The following TEX10 variants were observed in gnomAD, a reference collection of about 807,000 sequenced individuals.
TEX10 encodes testis-expressed protein 10.
Under a neutral mutation model 104.4 loss-of-function variants are expected in TEX10, and 24 were observed. That is an observed-to-expected ratio of 0.23 (90% confidence interval 0.17 to 0.32). The LOEUF (loss-of-function observed/expected upper bound fraction) is 0.32. TEX10 is among the 10% of genes least tolerant of loss of function. TEX10 has a pLI of 1.00. For missense variants in TEX10, 921 were observed against 1,083.9 expected (o/e 0.85, Z 2.11); for synonymous variants, 396 against 393.4 (o/e 1.01, Z -0.08).
Position 100,327,790 on chromosome 9 carries a change from A to T in TEX10, c.1798T>A (p.Tyr600Asn). The T allele has an allele frequency of 6.4e-7, 1 of 1,562,628 alleles. No individual in the cohort carries two copies. Among genetic ancestry groups the T allele is most frequent in the Non-Finnish European group, 8.7e-7 (1 of 1,146,936 alleles). The change falls in exon 8 of 15, where the codon TAT becomes AAT. Residue 600 changes from tyrosine (Y) to asparagine (N), a missense_variant. Tyr to Asn is a moderately radical substitution (Grantham distance 143). Transcript: ENST00000374902. ...CATTAAACAAATGAACTCTTACCAT[A>T]AATTCGGAGGGCAGTAGCTTGTAAA... Reference protein sequence around the residue: ...KSLQATALRIYDPQEGAVVVL... With the variant: ...KSLQATALRINDPQEGAVVVL...
chr9:100,352,792 G>T lies in TEX10; in HGVS notation c.-30C>A, dbSNP rs552029906. On this transcript the variant is annotated 5_prime_UTR_variant, in exon 1 of 15. Coordinates refer to ENST00000374902, the MANE Select transcript of TEX10 (RefSeq NM_017746.4). ...CTTACCTGAGGACCCGGCCGCGGCC[G>T]GGGCGAGAAGCCCGAGAAGACAAGC... is the stretch of plus-strand genomic sequence containing the variant. 3 of 1,072,040 alleles carry T rather than the reference G, an allele frequency of 2.8e-6. No homozygotes were observed. In the African/African-American group the frequency reaches 5.0e-5, roughly 18 times the overall value. 66.4% of individuals were successfully genotyped at this position (1,072,040 alleles called of 1,614,324 possible). A position where few individuals can be genotyped will look rare whatever the true frequency, so the allele number is the denominator to read the frequency against.
At chr9:100,328,426 T>C (rs542617173) in intron 7 of TEX10, among the ~76,000 whole-genome samples, 3 of 152,352 alleles carry the variant, frequency 2.0e-5, no homozygotes, top group Middle Eastern at 3.4e-3. Flanking sequence ...GCTGTCAAGA[T>C]AGACCTGAAC....
At chr9:100,332,047 T>C (rs1192107225) in intron 5 of TEX10, among the ~76,000 whole-genome samples, 3 of 152,214 alleles carry the variant, frequency 2.0e-5, no homozygotes, top group Non-Finnish European at 2.9e-5. Context: ...ACGTTGGATA[T>C]GTTGAGCCTA....
At chr9:100,333,434 G>T (rs1834922027) in intron 5 of TEX10, among the ~76,000 whole-genome samples, 1 of 152,084 alleles carries the variant, frequency 6.6e-6, no homozygotes, top group Non-Finnish European at 1.5e-5. Flanking sequence ...TTTCTAGCAA[G>T]CTATTTTGTA....
chr9:100,327,917 C>A lies in TEX10; in HGVS notation c.1671G>T (p.Leu557Phe). The change falls in exon 8 of 15, where the codon TTG becomes TTT. Residue 557 changes from leucine (L) to phenylalanine (F), a missense_variant. This residue lies in a region of TEX10 where 753 missense variants were observed against 868.4 expected (regional missense o/e 0.87). Coordinates refer to ENST00000374902, the MANE Select transcript of TEX10 (RefSeq NM_017746.4). Reference sequence around the variant, plus strand: ...TTCGGGAGCCAAGATGAGCAAGTTGCAATGGTAAGCCAGCCAGCCAACGGG... The same window carrying A: ...TTCGGGAGCCAAGATGAGCAAGTTGAAATGGTAAGCCAGCCAGCCAACGGG... The part of the protein sequence containing the change: ...VLSRWLAGLP[L>F]QLAHLGSRNP... 2 of 1,595,090 alleles carry A rather than the reference C, an allele frequency of 1.3e-6. No individual in the cohort carries two copies. Among genetic ancestry groups the A allele is most frequent in the Non-Finnish European group, 1.7e-6 (2 of 1,167,564 alleles).
intron 4 of TEX10, among the ~76,000 whole-genome samples, chr9:100,344,073 T>A (rs779903438): frequency 9.2e-5 from 14 of 152,170 alleles, no homozygotes; most frequent in African/African-American, 1.4e-4. Flanking sequence ...TTTTAAAAAA[T>A]AAATAAATAA....
intron 12 of TEX10, among the ~76,000 whole-genome samples, chr9:100,309,522 A>G (rs1834221553): frequency 6.6e-6 from 1 of 152,042 alleles, no homozygotes; most frequent in Admixed American, 6.6e-5. Context: ...GGAGGTAGGG[A>G]AAAAAAAGTG....
chr9:100,335,851 A>G (rs1834992783), intron 5 of TEX10, among the ~76,000 whole-genome samples: 1 of 152,124 alleles, frequency 6.6e-6, no homozygotes, highest in African/African-American at 2.4e-5. Flanking sequence ...ATTTTACCCC[A>G]ATAAAAATAA....
intron 4 of TEX10, 82 bp downstream of exon 4, chr9:100,345,990 T>G: frequency 6.9e-7 from 1 of 1,449,930 alleles, no homozygotes; most frequent in Non-Finnish European, 9.3e-7. Context: ...AACCAATTAG[T>G]AGTAATGAGC....
chr9:100,336,683 A>G (rs1051285669), intron 5 of TEX10, among the ~76,000 whole-genome samples: 10 of 152,180 alleles, frequency 6.6e-5, no homozygotes, highest in Non-Finnish European at 2.9e-5. Flanking sequence ...CACTTGAATC[A>G]TCCCAAAAAC....
chr9:100,321,933 G>A (rs901461243), intron 9 of TEX10, among the ~76,000 whole-genome samples, 162 bp from the exon 10 acceptor site: 2 of 151,968 alleles, frequency 1.3e-5, no homozygotes, highest in Non-Finnish European at 2.9e-5. Flanking sequence ...ATATCCAAGG[G>A]CTCAAGTACC....
At chr9:100,350,279 C>T (rs1042104346) in intron 1 of TEX10, among the ~76,000 whole-genome samples, 7 of 152,178 alleles carry the variant, frequency 4.6e-5, no homozygotes, top group African/African-American at 1.7e-4. Flanking sequence ...CCCACTGGTA[C>T]TCCTGCCTAC....
intron 12 of TEX10, 71 bp from the exon 13 acceptor site, chr9:100,308,752 G>T: frequency 7.6e-7 from 1 of 1,321,432 alleles, no homozygotes; most frequent in Non-Finnish European, 1.0e-6. Flanking sequence ...ACCAAAACCT[G>T]TTAATTCACG....
chr9:100,319,862 CTT>C (rs1834521725), intron 11 of TEX10, among the ~76,000 whole-genome samples: 1 of 152,004 alleles, frequency 6.6e-6, no homozygotes, highest in African/African-American at 2.4e-5. Flanking sequence ...AACTTCAAAA[CTT>C]AAAGAATTTG....
At chr9:100,309,207 T>C (rs1834212292) in intron 12 of TEX10, among the ~76,000 whole-genome samples, 1 of 152,184 alleles carries the variant, frequency 6.6e-6, no homozygotes, top group Admixed American at 6.5e-5. Flanking sequence ...TAAAAGATAT[T>C]ACTATAGTTA....
chr9:100,306,638 A>C (rs1403057140), intron 13 of TEX10: 1 of 152,208 alleles, frequency 6.6e-6, no homozygotes, highest in African/African-American at 2.4e-5. Flanking sequence ...ATCATTTTGT[A>C]ATCTTATAAA....
chr9:100,309,464 T>C (rs1165411668), intron 12 of TEX10, among the ~76,000 whole-genome samples: 1 of 152,162 alleles, frequency 6.6e-6, no homozygotes, highest in East Asian at 1.9e-4. Context: ...TATTGATCTT[T>C]TACTAGAATA....
Position 100,352,801 on chromosome 9 carries a change from A to T in TEX10, c.-39T>A, listed in dbSNP as rs1254144598. 9.4e-7 allele frequency: 1 copy of T among 1,060,000 alleles called. No homozygotes were observed. The highest frequency in any genetic ancestry group is 7.8e-5 in the East Asian group (1 of 12,758). The allele number at this position is 1,060,000 out of a possible 1,614,324, so 65.7% of individuals were successfully genotyped here. ...GGACCCGGCCGCGGCCGGGGCGAGA[A>T]GCCCGAGAAGACAAGCGAGGGAGCA... On this transcript the variant is annotated 5_prime_UTR_variant, in exon 1 of 15. Coordinates refer to ENST00000374902, the MANE Select transcript of TEX10 (RefSeq NM_017746.4).
Position 100,341,588 on chromosome 9 carries a change from C to T in TEX10, c.1138-1219G>A, listed in dbSNP as rs187576980. Among the ~76,000 whole-genome samples, 407 of 152,252 alleles carry T rather than the reference C, an allele frequency of 2.7e-3. 1 individual carries two copies. The highest frequency in any genetic ancestry group is 4.0e-3 in the Non-Finnish European group (274 of 68,020). On this transcript the variant is annotated intron_variant, in intron 4 of 14. Coordinates refer to ENST00000374902, the MANE Select transcript of TEX10 (RefSeq NM_017746.4). ...GCTTTACCTAGATCCAGCTAGTTCTCATCATTTCAACCACTAGATACCCGG... is the reference window on the plus strand; with the variant it reads ...GCTTTACCTAGATCCAGCTAGTTCTTATCATTTCAACCACTAGATACCCGG...
Sources: gnomAD v4.1 joint callset for allele counts (sites outside exome capture counted in the v4.1 genomes callset) on GRCh38, gnomAD v4.1.1 for gene constraint, gnomAD v4.1.1 regional missense constraint, MANE v1.5 for transcripts, NCBI Gene and HGNC (gene_info 2026-07-23, HGNC 2026-07-21) for gene names.